CYP7B1: variants seen among roughly 807,000 people sequenced by gnomAD.
CYP7B1 encodes cytochrome P450 7B1.
A neutral mutation model predicts 42.7 loss-of-function variants in CYP7B1; 29 were observed. That is an observed-to-expected ratio of 0.68 (90% CI 0.51 to 0.93). The LOEUF is 0.93. Among genes scored for constraint, CYP7B1 ranks in the 40% least tolerant of loss-of-function variants. CYP7B1 has a pLI of 0.00. For missense variants in CYP7B1, 655 were observed against 600.5 expected, an observed-to-expected ratio of 1.09 and a Z score of -0.95; for synonymous variants, 235 against 218.2, an observed-to-expected ratio of 1.08 and a Z score of -0.68.
At chr8:64,744,528 T>C (rs946707425) in intron 1 of CYP7B1, among the ~76,000 whole-genome samples, 2 of 152,172 alleles carry the variant, frequency 1.3e-5, no homozygotes, top group Non-Finnish European at 2.9e-5. Flanking sequence ...TCAGAAATAA[T>C]TATTTAAGCA....
In CYP7B1 at chr8:64,722,751, G is replaced by GA. The variant is rs1358209153; in HGVS notation, c.122+75714_122+75715insT. ...AGAATGATTTTTTGCGGCGGGGGGG[G>GA]GGGGGCGGGAGGTTTTTTTTTATTA... is the stretch of plus-strand genomic sequence containing the variant. On this transcript the variant is annotated intron_variant, in intron 1 of 5. Transcript: ENST00000310193. Among the ~76,000 whole-genome samples the GA allele has an allele frequency of 1.7e-4, 17 of 99,566 alleles. 1 individual carries two copies. The highest frequency in any genetic ancestry group is 6.3e-4 in the African/African-American group (16 of 25,432). The allele number at this position is 99,566 out of a possible 152,430, so 65.3% of individuals were successfully genotyped here. A position where few individuals can be genotyped will look rare whatever the true frequency, so the allele number is the denominator to read the frequency against.
chr8:64,664,116 T>C (rs1371456868), intron 1 of CYP7B1, among the ~76,000 whole-genome samples: 2 of 152,114 alleles, frequency 1.3e-5, no homozygotes, highest in Non-Finnish European at 2.9e-5. Context: ...CTGCTGTCCC[T>C]CAGAGCACAC....
At chr8:64,714,018 T>C (rs901305885) in intron 1 of CYP7B1, among the ~76,000 whole-genome samples, 1 of 152,218 alleles carries the variant, frequency 6.6e-6, no homozygotes, top group Non-Finnish European at 1.5e-5. Flanking sequence ...CTTGTATCTC[T>C]GTTTTATAGA....
intron 2 of CYP7B1, among the ~76,000 whole-genome samples, chr8:64,622,865 G>A (rs1334852143): frequency 1.3e-5 from 2 of 152,176 alleles, no homozygotes; most frequent in African/African-American, 4.8e-5. Context: ...GTAGATACAT[G>A]GGGATCTAAG....
intron 1 of CYP7B1, among the ~76,000 whole-genome samples, chr8:64,705,463 G>T (rs1262498113): frequency 2.0e-5 from 3 of 151,238 alleles, no homozygotes; most frequent in Admixed American, 2.0e-4. Flanking sequence ...CTCCAATTCA[G>T]ATTAGTTATT....
chr8:64,590,312 T>C (rs561843790), downstream of CYP7B1, among the ~76,000 whole-genome samples: 2 of 152,340 alleles, frequency 1.3e-5, no homozygotes, highest in South Asian at 2.1e-4. Flanking sequence ...AGGAAAATAC[T>C]GTACGTAGGG....
At chr8:64,715,930 T>C (rs1374758790) in intron 1 of CYP7B1, among the ~76,000 whole-genome samples, 1 of 152,246 alleles carries the variant, frequency 6.6e-6, no homozygotes, top group Non-Finnish European at 1.5e-5. Context: ...TATTCAACAA[T>C]TGATACCTAT....
Position 64,744,489 on chromosome 8 carries a change from G to C in CYP7B1, c.122+53977C>G, listed in dbSNP as rs938174910. 9.9e-5 allele frequency among the ~76,000 whole-genome samples: 15 copies of C among 152,154 alleles called. 1 individual carries two copies. The highest frequency in any genetic ancestry group is 9.2e-4 in the Admixed American group (14 of 15,274). ...AGACAATTTAACATATTCAAGTAAA[G>C]GAAGGTAGGCTACTAATTAAAGTGC... On this transcript the variant is annotated intron_variant, in intron 1 of 5. Coordinates refer to ENST00000310193, the MANE Select transcript of CYP7B1 (RefSeq NM_004820.5).
intron 1 of CYP7B1, among the ~76,000 whole-genome samples, chr8:64,729,152 C>T (rs1807371169): frequency 6.6e-6 from 1 of 152,066 alleles, no homozygotes; most frequent in Admixed American, 6.6e-5. Flanking sequence ...AGATCGATAC[C>T]CTGTCTCAGA....
intron 1 of CYP7B1, among the ~76,000 whole-genome samples, chr8:64,667,696 T>C (rs898585165): frequency 1.3e-5 from 2 of 152,228 alleles, no homozygotes; most frequent in African/African-American, 4.8e-5. Flanking sequence ...TTTAGGTCAC[T>C]ATGTTTTTTA....
chr8:64,700,206 C>T (rs2129632416), intron 1 of CYP7B1, among the ~76,000 whole-genome samples: 1 of 152,226 alleles, frequency 6.6e-6, no homozygotes. Context: ...CCACAGTCAC[C>T]ATAACCGGCC....
At chr8:64,678,563 T>TA (rs1450772310) in intron 1 of CYP7B1, among the ~76,000 whole-genome samples, 11 of 152,248 alleles carry the variant, frequency 7.2e-5, no homozygotes, top group Admixed American at 6.5e-4. Context: ...AGGTGGGATA[T>TA]ATGTGGTGAT....
At chr8:64,619,479 A>G (rs1805496152) in intron 2 of CYP7B1, among the ~76,000 whole-genome samples, 1 of 152,224 alleles carries the variant, frequency 6.6e-6, no homozygotes, top group Admixed American at 6.5e-5. Context: ...GCATTTGTCT[A>G]AAATATAAAT....
At position 64,751,394 on chromosome 8, in the gene CYP7B1, C is replaced by G. The variant is rs1309857808; in HGVS notation, c.122+47072G>C. On this transcript the variant is annotated intron_variant, in intron 1 of 5. Transcript: ENST00000310193. ...AAACATTTTCATGCCATTAAGTACT[C>G]CTATACGATGTATTTTTAATATATG... 2.6e-5 allele frequency among the ~76,000 whole-genome samples: 4 copies of G among 152,196 alleles called. No individual in the cohort carries two copies. The East Asian group carries it at 7.7e-4, about 29-fold the overall frequency.
intron 1 of CYP7B1, among the ~76,000 whole-genome samples, chr8:64,764,928 C>T (rs764156795): frequency 2.6e-5 from 4 of 151,292 alleles, no homozygotes; most frequent in Non-Finnish European, 5.9e-5. Flanking sequence ...CACAAAGTTC[C>T]GACCAGACCT....
intron 1 of CYP7B1, among the ~76,000 whole-genome samples, chr8:64,752,235 A>G (rs540958801): frequency 2.3e-4 from 35 of 152,276 alleles, no homozygotes; most frequent in African/African-American, 7.9e-4. Context: ...CAAGTCAGTG[A>G]TCTAGCTAGA....
At chr8:64,707,805 T>C (rs981622725) in intron 1 of CYP7B1, among the ~76,000 whole-genome samples, 3 of 152,128 alleles carry the variant, frequency 2.0e-5, no homozygotes, top group Admixed American at 6.6e-5. Flanking sequence ...TTCTAAAGAT[T>C]TTATTGGAAA....
intron 1 of CYP7B1, among the ~76,000 whole-genome samples, chr8:64,680,803 G>A (rs1806524880): frequency 6.6e-6 from 1 of 152,144 alleles, no homozygotes; most frequent in Non-Finnish European, 1.5e-5. Flanking sequence ...TGTTATATTT[G>A]TGAGAAAGTA....
At chr8:64,688,392 C>A (rs562995822) in intron 1 of CYP7B1, among the ~76,000 whole-genome samples, 1 of 152,084 alleles carries the variant, frequency 6.6e-6, no homozygotes, top group African/African-American at 2.4e-5. Context: ...CCCTCCCACC[C>A]TCCTTCCCTT....
Sources: gnomAD v4.1 joint callset for allele counts (sites outside exome capture counted in the v4.1 genomes callset) on GRCh38, gnomAD v4.1.1 for gene constraint, MANE v1.5 for transcripts, NCBI Gene and HGNC (gene_info 2026-07-23, HGNC 2026-07-21) for gene names.